Variants in TENM3 observed in about 807,000 individuals in gnomAD.
The protein encoded by TENM3 is teneurin-3.
Under a neutral mutation model 255.1 loss-of-function variants are expected in TENM3, and 63 were observed. That is an observed-to-expected ratio of 0.25 (90% CI 0.20 to 0.30). The LOEUF (loss-of-function observed/expected upper bound fraction) is 0.30, where lower values mean the gene tolerates loss of function less well. TENM3 is among the 10% of genes least tolerant of loss of function. The pLI, the probability that TENM3 is intolerant of heterozygous loss-of-function variation, is 1.00. For missense variants in TENM3, 2,929 were observed against 3,461.1 expected, an observed-to-expected ratio of 0.85 and a Z score of 3.86; for synonymous variants, 1,306 against 1,322.3, an observed-to-expected ratio of 0.99 and a Z score of 0.27.
chr4:182,713,381 C>T (rs1561145537), intron 12 of TENM3, among the ~76,000 whole-genome samples: 1 of 152,184 alleles, frequency 6.6e-6, no homozygotes, highest in African/African-American at 2.4e-5. Context: ...CTGTCCCATC[C>T]GTATGCAGCC....
chr4:181,801,559 C>T, the TENM3 span, among the ~76,000 whole-genome samples: 1 of 150,622 alleles, frequency 6.6e-6, no homozygotes, highest in African/African-American at 2.4e-5. Flanking sequence ...TATAAGCATT[C>T]GTATAAATCT....
the TENM3 span, among the ~76,000 whole-genome samples, chr4:181,993,844 C>A: frequency 1.6e-4 from 25 of 152,054 alleles, 1 homozygote; most frequent in Non-Finnish European, 2.6e-4. Flanking sequence ...AAGAATGCTG[C>A]CCGTTGGTTC....
the TENM3 span, among the ~76,000 whole-genome samples, chr4:181,806,180 C>T: frequency 6.6e-6 from 1 of 152,142 alleles, no homozygotes; most frequent in Non-Finnish European, 1.5e-5. Context: ...TTGCTTTTTC[C>T]CTTTTCAGTT....
chr4:181,464,318 T>C, the TENM3 span, among the ~76,000 whole-genome samples: 242 of 152,300 alleles, frequency 1.6e-3, no homozygotes, highest in African/African-American at 5.5e-3. Flanking sequence ...CAATTGTCAT[T>C]GTCTGTCCTT....
the TENM3 span, among the ~76,000 whole-genome samples, chr4:181,982,403 G>A: frequency 6.6e-6 from 1 of 152,144 alleles, no homozygotes; most frequent in African/African-American, 2.4e-5. Context: ...CGGATGTACA[G>A]TATTGAAAAT....
At chr4:182,776,681 A>G (rs1302241913) in intron 24 of TENM3, among the ~76,000 whole-genome samples, 1 of 152,176 alleles carries the variant, frequency 6.6e-6, no homozygotes, top group African/African-American at 2.4e-5. Flanking sequence ...AAAGGAACTT[A>G]GGCAGATGAG....
chr4:182,039,989 G>GAAGGC, the TENM3 span, among the ~76,000 whole-genome samples: 12 of 94,186 alleles, frequency 1.3e-4, no homozygotes, highest in African/African-American at 4.5e-4. Flanking sequence ...GATAGGAGGG[G>GAAGGC]AGGGGAAGGC....
chr4:181,852,277 G>A, the TENM3 span, among the ~76,000 whole-genome samples: 1 of 152,228 alleles, frequency 6.6e-6, no homozygotes. Flanking sequence ...AAGGAAGAGA[G>A]AACTTAATGT....
At chr4:181,791,170 C>T in the TENM3 span, among the ~76,000 whole-genome samples, 7 of 152,130 alleles carry the variant, frequency 4.6e-5, no homozygotes, top group East Asian at 1.9e-4. Context: ...CCGGACCAGG[C>T]GATGTCTTCA....
the TENM3 span, among the ~76,000 whole-genome samples, chr4:181,670,008 A>G: frequency 2.0e-5 from 3 of 152,204 alleles, no homozygotes; most frequent in Non-Finnish European, 4.4e-5. Flanking sequence ...TACAATTTCT[A>G]ATTTTAGCTA....
chr4:182,684,336 A>G (rs1192015566), intron 11 of TENM3, among the ~76,000 whole-genome samples: 2 of 146,138 alleles, frequency 1.4e-5, no homozygotes, highest in African/African-American at 2.5e-5. Context: ...TTTCCTGCCC[A>G]CACTGATTGC....
At chr4:182,598,854 C>G (rs1387374741) in intron 3 of TENM3, among the ~76,000 whole-genome samples, 1 of 152,194 alleles carries the variant, frequency 6.6e-6, no homozygotes, top group Non-Finnish European at 1.5e-5. Flanking sequence ...ATCATGATGT[C>G]TGACAGAATC....
chr4:182,032,693 G>T, the TENM3 span, among the ~76,000 whole-genome samples: 25 of 152,200 alleles, frequency 1.6e-4, no homozygotes, highest in African/African-American at 5.3e-4. Context: ...GGATTTTTAT[G>T]GTTAATAGAC....
rs548789757 is a variant in TENM3 at position 182,184,012 on chromosome 4, G to A, written c.-76+39258G>A. Among the ~76,000 whole-genome samples, 25 of 152,286 alleles carry A rather than the reference G, an allele frequency of 1.6e-4. No individual in the cohort carries two copies. In the South Asian group the frequency reaches 4.6e-3, roughly 28 times the overall value. ...TCTTGATATAGAAAGTGGTAGGTCT[G>A]TTTTATTATTCCAAAAGAAGCATTT... is the stretch of plus-strand genomic sequence containing the variant. On this transcript the variant is annotated intron_variant, in intron 1 of 2. Transcript: ENST00000512480.
chr4:181,754,540 G>T, the TENM3 span, among the ~76,000 whole-genome samples: 1 of 152,102 alleles, frequency 6.6e-6, no homozygotes, highest in East Asian at 1.9e-4. Context: ...ATCTCAAATG[G>T]TAAAGAAGGG....
intron 1 of TENM3, among the ~76,000 whole-genome samples, chr4:182,153,625 T>G (rs1750493973): frequency 6.6e-6 from 1 of 152,100 alleles, no homozygotes; most frequent in Non-Finnish European, 1.5e-5. Context: ...TGATGTCTTG[T>G]GACAAATGAG....
intron 3 of TENM3, among the ~76,000 whole-genome samples, chr4:182,591,464 G>A (rs1746643205): frequency 6.6e-6 from 1 of 152,130 alleles, no homozygotes; most frequent in Non-Finnish European, 1.5e-5. Context: ...CATACTCAGT[G>A]TCTTTTTATA....
chr4:182,043,953 C>T, the TENM3 span, among the ~76,000 whole-genome samples: 1 of 152,090 alleles, frequency 6.6e-6, no homozygotes, highest in South Asian at 2.1e-4. Flanking sequence ...CTTGCCAGTT[C>T]GTGAATTCCA....
chr4:182,595,206 A>G (rs750152362), intron 3 of TENM3, among the ~76,000 whole-genome samples: 3 of 152,158 alleles, frequency 2.0e-5, no homozygotes, highest in Admixed American at 6.5e-5. Context: ...GCTGATTCAT[A>G]ATAACAGAGT....
Sources: gnomAD v4.1 joint callset for allele counts (sites outside exome capture counted in the v4.1 genomes callset) on GRCh38, gnomAD v4.1.1 for gene constraint, MANE v1.5 for transcripts, NCBI Gene and HGNC (gene_info 2026-07-23, HGNC 2026-07-21) for gene names.